Variants in FAM53A observed in about 807,000 individuals in gnomAD.
FAM53A encodes family with sequence similarity 53 member A, also known as protein FAM53A.
FAM53A carries 28 observed loss-of-function variants against 26.6 expected under a neutral mutation model. The observed-to-expected ratio is 1.05, with a 90% CI of 0.78 to 1.45. The LOEUF (loss-of-function observed/expected upper bound fraction) is 1.45. Among genes scored for constraint, FAM53A ranks in the 40% most tolerant of loss-of-function variants. FAM53A has a pLI of 0.00. For synonymous variants in FAM53A, 290 were observed against 253.1 expected, an observed-to-expected ratio of 1.15 and a Z score of -1.38; for missense variants, 650 against 575.8, an observed-to-expected ratio of 1.13 and a Z score of -1.32.
At chr4:1,577,879 G>A in the FAM53A span, among the ~76,000 whole-genome samples, 2 of 151,974 alleles carry the variant, frequency 1.3e-5, no homozygotes, top group African/African-American at 4.8e-5. Flanking sequence ...AGGCTCTGCC[G>A]GGACCAGGCA....
chr4:1,642,534 GCAAA>G (rs1488240407), intron 4 of FAM53A, among the ~76,000 whole-genome samples: 1 of 152,142 alleles, frequency 6.6e-6, no homozygotes, highest in Admixed American at 6.5e-5. Context: ...ACTCTGAGCT[GCAAA>G]CAGTCTCCAT....
chr4:1,599,493 G>C, the FAM53A span, among the ~76,000 whole-genome samples: 2 of 152,206 alleles, frequency 1.3e-5, no homozygotes, highest in Admixed American at 6.5e-5. This position sits in a 1 kb window ranked among gnomAD's most constrained non-coding sequence, Gnocchi z 6.1. Flanking sequence ...AGCAGCACTG[G>C]ACAGGAGGCT....
At chr4:1,657,595 GCA>G (rs1577129200) in intron 2 of FAM53A, 127 bp from the exon 3 acceptor site, 3 of 802,756 alleles carry the variant, frequency 3.7e-6, no homozygotes, top group East Asian at 2.7e-5. Context: ...ATTAAAATAA[GCA>G]CAGTTTTATT....
At chr4:1,667,992 AGG>A (rs1473539105) in intron 2 of FAM53A, among the ~76,000 whole-genome samples, 1 of 152,162 alleles carries the variant, frequency 6.6e-6, no homozygotes, top group Admixed American at 6.5e-5. Flanking sequence ...CTCCCTTGGG[AGG>A]CGCGGCTAGG....
downstream of FAM53A, among the ~76,000 whole-genome samples, chr4:1,614,426 C>T (rs563084143): frequency 4.0e-3 from 476 of 119,380 alleles, no homozygotes; most frequent in Non-Finnish European, 6.3e-3. Flanking sequence ...GATGCAGAGA[C>T]GTGAGGGGGA....
At chr4:1,672,474 G>A (rs1266607148) in intron 1 of FAM53A, among the ~76,000 whole-genome samples, 1 of 152,198 alleles carries the variant, frequency 6.6e-6, no homozygotes, top group Non-Finnish European at 1.5e-5. Context: ...AGCCACTAGT[G>A]AGTGCAGAGA....
At chr4:1,667,111 G>A (rs567024644) in intron 2 of FAM53A, among the ~76,000 whole-genome samples, 32 of 145,252 alleles carry the variant, frequency 2.2e-4, no homozygotes, top group Admixed American at 7.1e-4. Context: ...CTGGGCGACA[G>A]AGCAAGACTC....
intron 1 of FAM53A, chr4:1,683,970 C>A (rs1715635752): frequency 6.6e-6 from 1 of 152,226 alleles, no homozygotes. Flanking sequence ...CGGCGACTCC[C>A]CGCCTCTCGC....
chr4:1,577,846 G>A, the FAM53A span, among the ~76,000 whole-genome samples: 3 of 151,996 alleles, frequency 2.0e-5, no homozygotes, highest in Non-Finnish European at 4.4e-5. Flanking sequence ...TCAGGGAGCC[G>A]CCTGATGAGC....
chr4:1,651,431 C>A (rs1712770462), intron 4 of FAM53A, among the ~76,000 whole-genome samples: 1 of 151,722 alleles, frequency 6.6e-6, no homozygotes, highest in East Asian at 1.9e-4. Context: ...ACTCGGGAGG[C>A]TGAGGCAGGA....
chr4:1,643,713 C>T (rs910431703), intron 4 of FAM53A, among the ~76,000 whole-genome samples: 2 of 151,588 alleles, frequency 1.3e-5, no homozygotes, highest in Non-Finnish European at 2.9e-5. Flanking sequence ...ACAACAGGTA[C>T]ATACCATCAT....
chr4:1,606,545 G>T, the FAM53A span, among the ~76,000 whole-genome samples: 1 of 152,156 alleles, frequency 6.6e-6, no homozygotes, highest in Admixed American at 6.5e-5. Flanking sequence ...TGAGGTGTGT[G>T]TCCTGCCTAC....
chr4:1,620,771 A>G (rs1054788853), intron 1 of FAM53A, among the ~76,000 whole-genome samples: 9 of 122,344 alleles, frequency 7.4e-5, no homozygotes, highest in African/African-American at 3.0e-4. Context: ...ATCACTGCCA[A>G]CAACAACAAC....
chr4:1,582,430 C>G, the FAM53A span, among the ~76,000 whole-genome samples: 1 of 152,300 alleles, frequency 6.6e-6, no homozygotes, highest in Non-Finnish European at 1.5e-5. Flanking sequence ...GAGCCAGTGC[C>G]ATGTATGCCA....
the FAM53A span, among the ~76,000 whole-genome samples, chr4:1,586,917 T>C: frequency 6.6e-6 from 1 of 152,280 alleles, no homozygotes; most frequent in South Asian, 2.1e-4. Flanking sequence ...TTTCATCTTT[T>C]TGATAGTAGC....
chr4:1,602,045 G>A, the FAM53A span, among the ~76,000 whole-genome samples: 2 of 151,752 alleles, frequency 1.3e-5, no homozygotes, highest in African/African-American at 2.4e-5. Context: ...TGGGCCGGGG[G>A]AGATGGGACG....
intron 1 of FAM53A, among the ~76,000 whole-genome samples, chr4:1,620,873 T>A (rs1714996884): frequency 6.6e-6 from 1 of 151,650 alleles, no homozygotes; most frequent in Non-Finnish European, 1.5e-5. Context: ...GAGACCAGAG[T>A]TGGAGGTGGC....
intron 1 of FAM53A, among the ~76,000 whole-genome samples, chr4:1,626,651 G>C (rs1715320017): frequency 6.6e-6 from 1 of 151,972 alleles, no homozygotes; most frequent in African/African-American, 2.4e-5. Flanking sequence ...CTCAGCCACG[G>C]CCATGCCCTG....
intron 1 of FAM53A, among the ~76,000 whole-genome samples, chr4:1,670,045 G>A (rs1867924): frequency 0.49 from 74,885 of 152,068 alleles, 18,714 homozygotes; most frequent in East Asian, 0.77. Flanking sequence ...CCGCTCAGGA[G>A]CATCTGCCCC....
Sources: allele counts gnomAD v4.1 joint callset (sites outside exome capture counted in the v4.1 genomes callset), GRCh38; gene constraint gnomAD v4.1.1; non-coding constraint Gnocchi (gnomAD v3.1); transcripts MANE v1.5; gene names NCBI Gene and HGNC (gene_info 2026-07-23, HGNC 2026-07-21).